Variants in SHTN1 observed in about 807,000 individuals in gnomAD.
SHTN1 encodes the protein shootin-1.
A neutral mutation model predicts 83.1 loss-of-function variants in SHTN1; 42 were observed. That is an observed-to-expected ratio of 0.51 (90% confidence interval 0.39 to 0.65). SHTN1 has a LOEUF of 0.65. SHTN1 is among the 30% of genes least tolerant of loss of function. The pLI, the probability that SHTN1 is intolerant of heterozygous loss-of-function variation, is 0.00. For missense variants in SHTN1, 622 were observed against 737.8 expected (o/e 0.84, Z 1.82); for synonymous variants, 224 against 247.7 (o/e 0.90, Z 0.90).
chr10:117,095,094 T>G (rs1198040348), intron 1 of SHTN1, among the ~76,000 whole-genome samples: 1 of 152,194 alleles, frequency 6.6e-6, no homozygotes, highest in Non-Finnish European at 1.5e-5. Context: ...ACCGTCAATC[T>G]CTTGGCGAAT....
chr10:116,974,983 T>C (rs1850746974), intron 2 of SHTN1, among the ~76,000 whole-genome samples: 2 of 152,178 alleles, frequency 1.3e-5, no homozygotes, highest in Non-Finnish European at 2.9e-5. Context: ...GCAAAATATA[T>C]AGTCATCTAT....
chr10:116,932,259 C>A (rs1848998752), intron 9 of SHTN1, among the ~76,000 whole-genome samples: 1 of 152,158 alleles, frequency 6.6e-6, no homozygotes, highest in South Asian at 2.1e-4. Flanking sequence ...CTGTTAGGAA[C>A]CAGGCTGCAC....
intron 13 of SHTN1, 148 bp downstream of exon 13, chr10:116,915,227 C>T (rs993596046): frequency 1.7e-6 from 1 of 584,596 alleles, no homozygotes. Flanking sequence ...CTGAAACATG[C>T]TTATGTGGAA....
intron 2 of SHTN1, among the ~76,000 whole-genome samples, chr10:117,014,734 A>G (rs1234030631): frequency 6.6e-6 from 1 of 152,238 alleles, no homozygotes; most frequent in African/African-American, 2.4e-5. Flanking sequence ...TCTCATGGGA[A>G]AAATGAAGCT....
chr10:117,063,507 A>C (rs1393566889), intron 1 of SHTN1, among the ~76,000 whole-genome samples: 2 of 152,188 alleles, frequency 1.3e-5, no homozygotes, highest in East Asian at 3.9e-4. Context: ...TCAGCCACCT[A>C]GTACATGTGT....
intron 2 of SHTN1, among the ~76,000 whole-genome samples, chr10:117,018,000 G>A (rs368046855): frequency 1.1e-4 from 17 of 152,140 alleles, no homozygotes; most frequent in African/African-American, 4.1e-4. Context: ...CTTCGAAACT[G>A]CTAAGACCAC....
intron 1 of SHTN1, among the ~76,000 whole-genome samples, chr10:117,119,885 A>C (rs113350088): frequency 1.4e-4 from 22 of 152,240 alleles, no homozygotes; most frequent in Admixed American, 4.6e-4. Context: ...AACAACATGG[A>C]TGGAACTGGA....
intron 1 of SHTN1, among the ~76,000 whole-genome samples, chr10:117,098,759 A>AT (rs771855053): frequency 1.2e-4 from 18 of 152,158 alleles, no homozygotes; most frequent in Admixed American, 3.9e-4. Flanking sequence ...TACTATTGAC[A>AT]TCAGTATCTA....
intron 16 of SHTN1, among the ~76,000 whole-genome samples, chr10:116,898,340 T>C (rs1011197426): frequency 1.3e-5 from 2 of 151,392 alleles, no homozygotes; most frequent in South Asian, 4.2e-4. Context: ...AAAAAAAAAA[T>C]TCTATAATTT....
chr10:117,024,348 C>CTTTT (rs1174576153), intron 2 of SHTN1, among the ~76,000 whole-genome samples: 57 of 77,686 alleles, frequency 7.3e-4, no homozygotes, highest in Non-Finnish European at 9.3e-4. Flanking sequence ...CAAAACTTTT[C>CTTTT]TTTTTTTTTT....
chr10:117,102,252 C>G (rs1853604733), intron 1 of SHTN1, among the ~76,000 whole-genome samples: 1 of 152,088 alleles, frequency 6.6e-6, no homozygotes, highest in Non-Finnish European at 1.5e-5. Context: ...AACAGTAATA[C>G]AGCTATCCTT....
In SHTN1 at chr10:116,883,488, G is replaced by A. The variant is rs1419646598; in HGVS notation, c.*2856C>T. On this transcript the variant is annotated 3_prime_UTR_variant, in exon 17 of 17. Transcript: ENST00000355371. ...TAATGACAGATGGTTATCCATTCTC[G>A]ACAACTTACTGGTATATAAGCTAAT... 2.0e-5 allele frequency: 3 copies of A among 152,122 alleles called. No homozygotes were observed. The highest frequency in any genetic ancestry group is 6.5e-5 in the Admixed American group (1 of 15,272). The allele number at this position is 152,122 out of a possible 1,614,324, so 9.4% of individuals were successfully genotyped here. A position where few individuals can be genotyped will look rare whatever the true frequency, so the allele number is the denominator to read the frequency against.
intron 2 of SHTN1, among the ~76,000 whole-genome samples, chr10:117,026,542 C>A (rs943432766): frequency 1.3e-5 from 2 of 152,090 alleles, no homozygotes; most frequent in Non-Finnish European, 2.9e-5. Flanking sequence ...CCTGCCTCAG[C>A]CTCCCAAGTA....
chr10:117,029,506 C>G (rs1852376076), intron 2 of SHTN1, among the ~76,000 whole-genome samples: 1 of 152,092 alleles, frequency 6.6e-6, no homozygotes, highest in Non-Finnish European at 1.5e-5. Context: ...TGTCCTCACC[C>G]AAATCTCATG....
chr10:117,035,618 C>G (rs1283856282), intron 2 of SHTN1, among the ~76,000 whole-genome samples: 1 of 151,920 alleles, frequency 6.6e-6, no homozygotes, highest in Non-Finnish European at 1.5e-5. Context: ...GGAGCTCAAA[C>G]AACTCTATAG....
chr10:117,068,433 C>A (rs1350867908), intron 1 of SHTN1, among the ~76,000 whole-genome samples: 1 of 151,894 alleles, frequency 6.6e-6, no homozygotes, highest in Non-Finnish European at 1.5e-5. Context: ...TAGTGGGCAC[C>A]AATCTCGGAT....
At chr10:116,935,376 G>C (rs1235038524) in intron 9 of SHTN1, among the ~76,000 whole-genome samples, 8 of 152,150 alleles carry the variant, frequency 5.3e-5, no homozygotes, top group African/African-American at 1.9e-4. Flanking sequence ...TAGCATGAAG[G>C]GGTGTTGAAT....
intron 1 of SHTN1, among the ~76,000 whole-genome samples, chr10:117,053,655 T>C (rs964622163): frequency 2.0e-5 from 3 of 152,290 alleles, no homozygotes; most frequent in Admixed American, 6.5e-5. Context: ...GCATTGCTAG[T>C]GAGAACATGA....
chr10:116,917,171 A>G (rs180921353), intron 12 of SHTN1, among the ~76,000 whole-genome samples: 221 of 152,268 alleles, frequency 1.5e-3, no homozygotes, highest in African/African-American at 5.1e-3. Context: ...TTATTCACTC[A>G]CCCACTCAAT....
Sources: gnomAD v4.1 joint callset for allele counts (sites outside exome capture counted in the v4.1 genomes callset) on GRCh38, gnomAD v4.1.1 for gene constraint, MANE v1.5 for transcripts, NCBI Gene and HGNC (gene_info 2026-07-23, HGNC 2026-07-21) for gene names.